NDRG1: variants seen among roughly 807,000 people sequenced by gnomAD.
NDRG1 encodes the protein N-myc downstream regulated 1, also known as protein NDRG1.
In NDRG1, 32 loss-of-function variants were observed where a neutral mutation model predicts 56.9. The ratio of observed to expected loss-of-function variants is 0.56; its 90% CI spans 0.42 to 0.76. The LOEUF is 0.76. Ranked by LOEUF, NDRG1 falls within the 30% of genes least tolerant of loss-of-function variation. The pLI, the probability that NDRG1 is intolerant of heterozygous loss-of-function variation, is 0.00. For synonymous variants in NDRG1, 211 were observed against 204.1 expected, an observed-to-expected ratio of 1.03 and a Z score of -0.29; for missense variants, 507 against 545.7, an observed-to-expected ratio of 0.93 and a Z score of 0.71.
intron 11 of NDRG1, among the ~76,000 whole-genome samples, chr8:133,248,277 C>A (rs989551417): frequency 6.6e-6 from 1 of 152,174 alleles, no homozygotes; most frequent in Non-Finnish European, 1.5e-5. Flanking sequence ...TGTCACACAA[C>A]GCGGTGCACT....
chr8:133,243,207 G>A (rs894775499), intron 14 of NDRG1, among the ~76,000 whole-genome samples: 9 of 152,164 alleles, frequency 5.9e-5, no homozygotes, highest in Admixed American at 2.0e-4. Flanking sequence ...TTAAAAGAGC[G>A]GCTATGCTCA....
At chr8:133,283,823 G>A (rs1857946831) in intron 2 of NDRG1, among the ~76,000 whole-genome samples, 1 of 152,220 alleles carries the variant, frequency 6.6e-6, no homozygotes, top group Non-Finnish European at 1.5e-5. Flanking sequence ...TTTAATGAGA[G>A]CTGAGGCAGG....
At chr8:133,261,488 T>C (rs1856657190) in intron 5 of NDRG1, among the ~76,000 whole-genome samples, 1 of 152,196 alleles carries the variant, frequency 6.6e-6, no homozygotes, top group South Asian at 2.1e-4. Context: ...TATGTTTGTC[T>C]GGAAAATGGA....
At chr8:133,263,917 G>GAAA (rs35761411) in intron 4 of NDRG1, among the ~76,000 whole-genome samples, 2 of 108,046 alleles carry the variant, frequency 1.9e-5, no homozygotes, top group Non-Finnish European at 1.9e-5. Flanking sequence ...TTCTGTCTCA[G>GAAA]AAAAAAAAAA....
At chr8:133,272,944 C>G (rs1857267082) in intron 3 of NDRG1, among the ~76,000 whole-genome samples, 1 of 152,342 alleles carries the variant, frequency 6.6e-6, no homozygotes, top group Non-Finnish European at 1.5e-5. Flanking sequence ...TCCCTGTGAG[C>G]TGGTCCGCTT....
Position 133,247,955 on chromosome 8 carries a change from G to C in NDRG1, c.756-29C>G, listed in dbSNP as rs559812061. On this transcript the variant is annotated intron_variant, in intron 11 of 15. Coordinates refer to ENST00000323851, the MANE Select transcript of NDRG1 (RefSeq NM_006096.4). The stretch of plus-strand genomic sequence containing the variant: ...GGGTCAGGGATAGAGCAGAGAATTA[G>C]CACAAGGTTCCTTTAAAGATTGTCC... 9.9e-6 allele frequency: 16 copies of C among 1,611,886 alleles called. No homozygotes were observed. The Admixed American group carries it at 2.5e-4, about 25-fold the overall frequency.
intron 1 of NDRG1, among the ~76,000 whole-genome samples, chr8:133,294,088 C>T (rs1858593621): frequency 1.3e-5 from 2 of 152,214 alleles, no homozygotes; most frequent in Admixed American, 1.3e-4. Context: ...ATGTCTGTTA[C>T]TCTCATTTTA....
intron 1 of NDRG1, among the ~76,000 whole-genome samples, chr8:133,286,812 A>G (rs566696943): frequency 4.6e-5 from 7 of 152,182 alleles, no homozygotes; most frequent in African/African-American, 1.7e-4. Flanking sequence ...AGTGTCCTAG[A>G]CTCTGAAGTC....
At chr8:133,251,113 A>G (rs1202343072) in intron 9 of NDRG1, among the ~76,000 whole-genome samples, 1 of 152,200 alleles carries the variant, frequency 6.6e-6, no homozygotes, top group Non-Finnish European at 1.5e-5. Context: ...AGTTACTGAA[A>G]AGAAGGGCAA....
chr8:133,278,746 C>A (rs1857599439), intron 3 of NDRG1, among the ~76,000 whole-genome samples: 1 of 152,238 alleles, frequency 6.6e-6, no homozygotes, highest in African/African-American at 2.4e-5. Flanking sequence ...AAGAAGCCCT[C>A]ACCAACATCA....
At chr8:133,267,432 A>ACACC (rs1856977167) in intron 3 of NDRG1, among the ~76,000 whole-genome samples, 1 of 152,068 alleles carries the variant, frequency 6.6e-6, no homozygotes, top group Non-Finnish European at 1.5e-5. Flanking sequence ...TTAGCCCCCA[A>ACACC]CACCGTTAAG....
rs12546592 is a variant in NDRG1, at chr8:133,279,780, C to G, written c.99+452G>C. Among the ~76,000 whole-genome samples the G allele has an allele frequency of 1.4e-3, 211 of 152,330 alleles. 2 individuals are homozygous for G. The highest frequency in any genetic ancestry group is 0.011 in the Admixed American group (161 of 15,296). ...TCTTGGACACAGCTGAGGTGCACCCCCTGGCCCACCCTGCAATCCTGAGTG... is the reference window on the plus strand; with the variant it reads ...TCTTGGACACAGCTGAGGTGCACCCGCTGGCCCACCCTGCAATCCTGAGTG... On this transcript the variant is annotated intron_variant, in intron 3 of 15. Transcript: ENST00000323851.
chr8:133,262,407 T>C (rs925194569), intron 4 of NDRG1: 6 of 532,924 alleles, frequency 1.1e-5, no homozygotes, highest in Admixed American at 3.1e-5. Context: ...GGCAGATGAG[T>C]CTTGCAGTTG....
chr8:133,293,881 A>G (rs910424738), intron 1 of NDRG1, among the ~76,000 whole-genome samples: 5 of 152,236 alleles, frequency 3.3e-5, no homozygotes, highest in Non-Finnish European at 5.9e-5. Context: ...AGCAATACCT[A>G]GGTCAAGCAT....
chr8:133,295,345 T>C (rs1319248405), intron 1 of NDRG1, among the ~76,000 whole-genome samples: 1 of 152,170 alleles, frequency 6.6e-6, no homozygotes, highest in Non-Finnish European at 1.5e-5. Context: ...CCAGATGCAG[T>C]GGGAGACACG....
At chr8:133,255,687 C>T (rs887428901) in intron 8 of NDRG1, 2 of 273,206 alleles carry the variant, frequency 7.3e-6, no homozygotes, top group Non-Finnish European at 1.5e-5. Context: ...AGAACAAATG[C>T]AAAATCACAG....
intron 1 of NDRG1, 132 bp from the exon 2 acceptor site, chr8:133,284,461 C>T (rs1472015508): frequency 1.3e-6 from 1 of 760,354 alleles, no homozygotes; most frequent in Non-Finnish European, 2.3e-6. Flanking sequence ...TCGTGATGCA[C>T]TGCAGGGGAT....
intron 1 of NDRG1, among the ~76,000 whole-genome samples, chr8:133,293,430 A>G (rs1000952838): frequency 6.6e-5 from 10 of 152,224 alleles, no homozygotes; most frequent in Admixed American, 2.0e-4. Context: ...CAGGAGGCTC[A>G]CCTTGGGCAG....
At chr8:133,253,777 T>C (rs894768861) in intron 9 of NDRG1, among the ~76,000 whole-genome samples, 7 of 152,212 alleles carry the variant, frequency 4.6e-5, no homozygotes, top group Non-Finnish European at 8.8e-5. Context: ...CTGCTCACTG[T>C]AGCCTCAAAC....
Sources: gnomAD v4.1 joint callset for allele counts (sites outside exome capture counted in the v4.1 genomes callset) on GRCh38, gnomAD v4.1.1 for gene constraint, MANE v1.5 for transcripts, NCBI Gene and HGNC (gene_info 2026-07-23, HGNC 2026-07-21) for gene names.